The following CTDSPL variants were observed in gnomAD, a reference collection of about 807,000 sequenced individuals.
CTDSPL encodes the protein CTD small phosphatase-like protein.
CTDSPL carries 8 observed loss-of-function variants against 30.5 expected under a neutral mutation model. The ratio of observed to expected loss-of-function variants is 0.26; its 90% CI spans 0.15 to 0.47. The LOEUF (loss-of-function observed/expected upper bound fraction) is 0.47, where lower values mean the gene tolerates loss of function less well. Ranked by LOEUF, CTDSPL falls within the 20% of genes least tolerant of loss-of-function variation. The pLI is 0.99. For synonymous variants in CTDSPL, 110 were observed against 137.9 expected, an observed-to-expected ratio of 0.80 and a Z score of 1.42; for missense variants, 248 against 366.1, an observed-to-expected ratio of 0.68 and a Z score of 2.63.
In CTDSPL at chr3:37,882,397, G is replaced by A. The variant is rs987182119; in HGVS notation, c.79+20119G>A. Among the ~76,000 whole-genome samples the A allele has an allele frequency of 2.7e-5, 4 of 146,086 alleles. No homozygotes were observed. The South Asian group carries it at 6.5e-4, about 24-fold the overall frequency. Reference sequence around the variant, plus strand: ...ACAGAGCTTGCAGTGAGCTGAGATCGCACCACTGCACTCCAGCCTGGGTGA... The same window carrying A: ...ACAGAGCTTGCAGTGAGCTGAGATCACACCACTGCACTCCAGCCTGGGTGA... On this transcript the variant is annotated intron_variant, in intron 1 of 7. Transcript: ENST00000273179.
chr3:37,970,466 T>G (rs1699354210), intron 5 of CTDSPL, among the ~76,000 whole-genome samples: 1 of 152,200 alleles, frequency 6.6e-6, no homozygotes. Context: ...TGAATTGAAT[T>G]TTAAAGAGTT....
intron 1 of CTDSPL, among the ~76,000 whole-genome samples, chr3:37,921,808 C>G (rs896748641): frequency 6.6e-6 from 1 of 152,218 alleles, no homozygotes; most frequent in African/African-American, 2.4e-5. Context: ...AGAACTGTTT[C>G]TTCTCTTGGT....
intron 1 of CTDSPL, among the ~76,000 whole-genome samples, chr3:37,924,914 G>C (rs1164419783): frequency 2.6e-5 from 4 of 152,094 alleles, no homozygotes; most frequent in Non-Finnish European, 4.4e-5. Flanking sequence ...GGTCTTCCAA[G>C]AGCACAGCTC....
intron 1 of CTDSPL, among the ~76,000 whole-genome samples, chr3:37,896,052 G>GA (rs1211282087): frequency 3.9e-5 from 6 of 152,158 alleles, no homozygotes; most frequent in African/African-American, 1.4e-4. Flanking sequence ...AAACAGACAA[G>GA]AAAAATGTGT....
At chr3:37,891,314 A>T (rs528630232) in intron 1 of CTDSPL, among the ~76,000 whole-genome samples, 1 of 152,260 alleles carries the variant, frequency 6.6e-6, no homozygotes, top group East Asian at 1.9e-4. Flanking sequence ...TTATAATTGG[A>T]CCACCCAGAC....
intron 2 of CTDSPL, among the ~76,000 whole-genome samples, chr3:37,949,628 G>A (rs1368238663): frequency 6.6e-6 from 1 of 152,154 alleles, no homozygotes; most frequent in African/African-American, 2.4e-5. Context: ...TCACACTGGT[G>A]GAATTATAGC....
intron 3 of CTDSPL, among the ~76,000 whole-genome samples, chr3:37,958,403 A>G (rs994914881): frequency 6.6e-6 from 1 of 152,212 alleles, no homozygotes; most frequent in African/African-American, 2.4e-5. Flanking sequence ...AGTTAATACC[A>G]GAAGACTCTT....
At chr3:37,881,802 A>T (rs533334282) in intron 1 of CTDSPL, among the ~76,000 whole-genome samples, 1 of 152,322 alleles carries the variant, frequency 6.6e-6, no homozygotes, top group Non-Finnish European at 1.5e-5. Context: ...ATGGTGAATA[A>T]CAAATTTATA....
intron 2 of CTDSPL, among the ~76,000 whole-genome samples, chr3:37,951,191 C>T (rs1341591198): frequency 6.6e-6 from 1 of 151,548 alleles, no homozygotes; most frequent in African/African-American, 2.4e-5. Context: ...CACAGTGAAA[C>T]TCCGTCTCTA....
chr3:37,883,856 C>T (rs1186134434), intron 1 of CTDSPL, among the ~76,000 whole-genome samples: 2 of 152,156 alleles, frequency 1.3e-5, no homozygotes, highest in African/African-American at 4.8e-5. Flanking sequence ...CATCTCTTTT[C>T]AAAATAATGA....
intron 6 of CTDSPL, among the ~76,000 whole-genome samples, chr3:37,973,432 A>G (rs1226774642): frequency 1.3e-5 from 2 of 152,200 alleles, no homozygotes; most frequent in Non-Finnish European, 2.9e-5. Flanking sequence ...CTCTTCCTGG[A>G]TGGCTCCCAC....
chr3:37,899,516 A>G (rs1478217422), intron 1 of CTDSPL, among the ~76,000 whole-genome samples: 4 of 152,214 alleles, frequency 2.6e-5, no homozygotes, highest in African/African-American at 9.6e-5. Context: ...ACAGGAGCCA[A>G]TCAGGCTGCT....
intron 5 of CTDSPL, chr3:37,969,478 C>T (rs1031383136): frequency 1.6e-5 from 8 of 501,916 alleles, no homozygotes; most frequent in Non-Finnish European, 2.5e-5. Context: ...TGCACGGGGA[C>T]GCGGGCCTGG....
rs1697942530 is a variant in CTDSPL at position 37,861,885 on chromosome 3, C to T, written c.-315C>T. The stretch of plus-strand genomic sequence containing the variant: ...CCCTCCCGCCCTCGCTCGCTCCTTC[C>T]CCCTCGCCCGCCCGCTCCCGCTTCC... On this transcript the variant is annotated 5_prime_UTR_variant, in exon 1 of 8. Coordinates refer to ENST00000273179, the MANE Select transcript of CTDSPL (RefSeq NM_001008392.2). 1 of 137,378 alleles carries T rather than the reference C, an allele frequency of 7.3e-6. No homozygotes were observed. The highest frequency in any genetic ancestry group is 1.6e-5 in the Non-Finnish European group (1 of 62,690). The allele number at this position is 137,378 out of a possible 1,614,324, so 8.5% of individuals were successfully genotyped here. A position where few individuals can be genotyped will look rare whatever the true frequency, so the allele number is the denominator to read the frequency against.
intron 5 of CTDSPL, chr3:37,968,174 T>C (rs1575322259): frequency 4.3e-6 from 2 of 461,158 alleles, no homozygotes; most frequent in East Asian, 1.0e-4. Flanking sequence ...CTTGATGGTC[T>C]AATTAACTTC....
intron 1 of CTDSPL, among the ~76,000 whole-genome samples, chr3:37,939,948 C>T (rs1224787637): frequency 2.8e-5 from 4 of 142,572 alleles, no homozygotes. Context: ...AAAAATTAGC[C>T]GGGCTTGGTG....
chr3:37,874,097 G>A (rs1698106460), intron 1 of CTDSPL, among the ~76,000 whole-genome samples: 1 of 152,226 alleles, frequency 6.6e-6, no homozygotes, highest in African/African-American at 2.4e-5. Context: ...CACTCATGGT[G>A]CGTAGACAGG....
intron 1 of CTDSPL, among the ~76,000 whole-genome samples, chr3:37,875,268 A>G (rs1698123009): frequency 6.6e-6 from 1 of 152,224 alleles, no homozygotes; most frequent in Non-Finnish European, 1.5e-5. Flanking sequence ...TGGATGCTAG[A>G]GATTATGTAA....
chr3:37,942,490 A>C (rs1698989787), intron 1 of CTDSPL, among the ~76,000 whole-genome samples: 1 of 150,180 alleles, frequency 6.7e-6, no homozygotes. Context: ...TAAAAATAGA[A>C]AAATTGGCTG....
Sources: allele counts gnomAD v4.1 joint callset (sites outside exome capture counted in the v4.1 genomes callset), GRCh38; gene constraint gnomAD v4.1.1; transcripts MANE v1.5; gene names NCBI Gene and HGNC (gene_info 2026-07-23, HGNC 2026-07-21).